The following PDE4D variants were observed in gnomAD, a reference collection of about 807,000 sequenced individuals.
PDE4D encodes 3',5'-cyclic-AMP phosphodiesterase 4D.
Under a neutral mutation model 87.4 loss-of-function variants are expected in PDE4D, and 24 were observed. The observed-to-expected ratio is 0.27, with a 90% CI of 0.20 to 0.39. The LOEUF (loss-of-function observed/expected upper bound fraction) is 0.39. PDE4D is among the 10% of genes least tolerant of loss of function. PDE4D has a pLI of 1.00. For synonymous variants in PDE4D, 384 were observed against 383.2 expected (o/e 1.00, Z -0.02); for missense variants, 714 against 1,041.0 (o/e 0.69, Z 4.32).
intron 5 of PDE4D, among the ~76,000 whole-genome samples, chr5:59,098,857 T>C (rs1417593146): frequency 6.6e-6 from 1 of 152,162 alleles, no homozygotes; most frequent in Non-Finnish European, 1.5e-5. Flanking sequence ...CATTCTCAAT[T>C]CTGCCATTTA....
chr5:59,641,871 A>G (rs1338799789), intron 1 of PDE4D, among the ~76,000 whole-genome samples: 3 of 152,228 alleles, frequency 2.0e-5, no homozygotes, highest in Admixed American at 2.0e-4. Context: ...CCTTGTAACT[A>G]TTGCAATATT....
chr5:59,230,592 G>A (rs1222895808), intron 1 of PDE4D, among the ~76,000 whole-genome samples: 2 of 152,018 alleles, frequency 1.3e-5, no homozygotes, highest in African/African-American at 4.8e-5. Context: ...GATTATAACA[G>A]AAAACAAAAA....
intron 1 of PDE4D, among the ~76,000 whole-genome samples, chr5:59,536,161 G>A (rs576285173): frequency 1.3e-5 from 2 of 151,982 alleles, no homozygotes; most frequent in Non-Finnish European, 1.5e-5. Flanking sequence ...TTGGATACAC[G>A]AAAATGGAAT....
intron 1 of PDE4D, among the ~76,000 whole-genome samples, chr5:60,295,265 GTTAT>G (rs995455124): frequency 4.6e-5 from 7 of 152,112 alleles, no homozygotes; most frequent in African/African-American, 1.4e-4. Context: ...ATTCCTTATG[GTTAT>G]TTAAGTATCT....
chr5:59,791,135 T>G (rs2152646469), intron 1 of PDE4D, among the ~76,000 whole-genome samples: 1 of 152,354 alleles, frequency 6.6e-6, no homozygotes, highest in East Asian at 1.9e-4. Flanking sequence ...TAATTGTTCC[T>G]AATGTCAACA....
At chr5:58,991,786 G>T in intron 8 of PDE4D, 46 bp downstream of exon 8, 1 of 1,192,808 alleles carries the variant, frequency 8.4e-7, no homozygotes, top group East Asian at 2.8e-5. Context: ...ATTCATGAAA[G>T]GGCATCATTT....
At chr5:59,927,470 T>A (rs1755418560) in intron 3 of PDE4D, among the ~76,000 whole-genome samples, 1 of 152,202 alleles carries the variant, frequency 6.6e-6, no homozygotes, top group Non-Finnish European at 1.5e-5. Flanking sequence ...TATTTGCATA[T>A]ACTGAAAGAA....
At chr5:59,027,067 CTCT>C (rs941515027) in intron 6 of PDE4D, among the ~76,000 whole-genome samples, 1 of 152,198 alleles carries the variant, frequency 6.6e-6, no homozygotes, top group African/African-American at 2.4e-5. Context: ...TCTCCTGAGG[CTCT>C]TCTTGGCTGT....
At chr5:60,302,243 G>A (rs545684001) in intron 1 of PDE4D, among the ~76,000 whole-genome samples, 2 of 152,300 alleles carry the variant, frequency 1.3e-5, no homozygotes, top group Non-Finnish European at 2.9e-5. Context: ...AGCAGAAATA[G>A]TACCAGCTCT....
chr5:59,493,866 A>T (rs978800470), intron 1 of PDE4D, among the ~76,000 whole-genome samples: 2 of 152,218 alleles, frequency 1.3e-5, no homozygotes, highest in African/African-American at 4.8e-5. Context: ...ATGTCACAGC[A>T]TTATGGGAAA....
At chr5:59,914,280 TG>T (rs1052437939) in intron 3 of PDE4D, among the ~76,000 whole-genome samples, 2 of 151,802 alleles carry the variant, frequency 1.3e-5, no homozygotes, top group African/African-American at 2.4e-5. Context: ...AAAACAAAGA[TG>T]GGGGGTGGTT....
intron 1 of PDE4D, among the ~76,000 whole-genome samples, chr5:59,781,267 G>A (rs1425284657): frequency 6.6e-6 from 1 of 151,662 alleles, no homozygotes; most frequent in Non-Finnish European, 1.5e-5. Flanking sequence ...CTACATGATT[G>A]GTTTATGTAG....
At chr5:59,712,843 A>G (rs918207361) in intron 1 of PDE4D, among the ~76,000 whole-genome samples, 1 of 152,170 alleles carries the variant, frequency 6.6e-6, no homozygotes, top group African/African-American at 2.4e-5. Context: ...TGTGGTTATC[A>G]TATCTCACAT....
intron 1 of PDE4D, among the ~76,000 whole-genome samples, chr5:59,661,917 T>C (rs924523687): frequency 2.0e-5 from 3 of 152,236 alleles, no homozygotes; most frequent in African/African-American, 7.2e-5. Flanking sequence ...ACTATATTAT[T>C]GTTCTCAACA....
intron 1 of PDE4D, among the ~76,000 whole-genome samples, chr5:59,327,832 T>C (rs1202982248): frequency 1.3e-5 from 2 of 152,192 alleles, no homozygotes; most frequent in East Asian, 1.9e-4. Context: ...ACTGGTGATA[T>C]GGAGTTGAAC....
intron 1 of PDE4D, among the ~76,000 whole-genome samples, chr5:59,849,404 A>C (rs11748555): frequency 5.3e-5 from 8 of 152,070 alleles, no homozygotes; most frequent in Non-Finnish European, 8.8e-5. Flanking sequence ...TAATATTTCC[A>C]GTAAAACATA....
intron 1 of PDE4D, among the ~76,000 whole-genome samples, chr5:59,271,961 G>C (rs576500057): frequency 3.3e-5 from 5 of 151,420 alleles, no homozygotes; most frequent in Non-Finnish European, 7.4e-5. Flanking sequence ...AGCTTGGACA[G>C]AGTCTTCCAG....
intron 1 of PDE4D, among the ~76,000 whole-genome samples, chr5:59,753,128 T>G (rs1302633585): frequency 6.6e-6 from 1 of 152,132 alleles, no homozygotes; most frequent in Non-Finnish European, 1.5e-5. Context: ...CTGCTATAGA[T>G]AGTGGACAAT....
intron 2 of PDE4D, among the ~76,000 whole-genome samples, chr5:60,134,099 G>T (rs963187246): frequency 6.6e-6 from 1 of 152,124 alleles, no homozygotes; most frequent in Non-Finnish European, 1.5e-5. Flanking sequence ...CATTAATAAA[G>T]ATGCACATAT....
Sources: allele counts gnomAD v4.1 joint callset (sites outside exome capture counted in the v4.1 genomes callset), GRCh38; gene constraint gnomAD v4.1.1; transcripts MANE v1.5; gene names NCBI Gene and HGNC (gene_info 2026-07-23, HGNC 2026-07-21).